DPY19L1: variants seen among roughly 807,000 people sequenced by gnomAD.
DPY19L1 encodes the protein dpy-19 like C-mannosyltransferase 1.
Under a neutral mutation model 96.9 loss-of-function variants are expected in DPY19L1, and 35 were observed. The observed-to-expected ratio is 0.36, with a 90% CI of 0.28 to 0.48. The LOEUF (loss-of-function observed/expected upper bound fraction) is 0.48, where lower values mean the gene tolerates loss of function less well. Ranked by LOEUF, DPY19L1 falls within the 20% of genes least tolerant of loss-of-function variation. The pLI, the probability that DPY19L1 is intolerant of heterozygous loss-of-function variation, is 0.99. For missense variants in DPY19L1, 521 were observed against 777.9 expected (o/e 0.67, Z 3.93); for synonymous variants, 205 against 252.6 (o/e 0.81, Z 1.79).
At chr7:34,971,928 G>C (rs142908938) in intron 8 of DPY19L1, among the ~76,000 whole-genome samples, 1 of 152,300 alleles carries the variant, frequency 6.6e-6, no homozygotes, top group African/African-American at 2.4e-5. Context: ...GAATGAAGAT[G>C]ACTAATCACC....
At chr7:34,956,140 G>C (rs536791267) in intron 11 of DPY19L1, among the ~76,000 whole-genome samples, 1 of 152,196 alleles carries the variant, frequency 6.6e-6, no homozygotes, top group South Asian at 2.1e-4. Context: ...CTGACATATA[G>C]AACTGAAAAG....
chr7:35,006,941 C>A (rs576337755), intron 6 of DPY19L1, among the ~76,000 whole-genome samples: 1 of 152,190 alleles, frequency 6.6e-6, no homozygotes, highest in African/African-American at 2.4e-5. Flanking sequence ...ACTTTTATTT[C>A]TCAGTACATA....
chr7:34,970,838 C>A (rs1449357874), intron 8 of DPY19L1, among the ~76,000 whole-genome samples: 2 of 124,214 alleles, frequency 1.6e-5, no homozygotes, highest in Admixed American at 8.6e-5. Context: ...TAAATATTGC[C>A]AAGAATGAAA....
At position 35,008,672 on chromosome 7, in the gene DPY19L1, C is replaced by T. The variant is rs374975654; in HGVS notation, c.764+1796G>A. 2.6e-5 allele frequency among the ~76,000 whole-genome samples: 4 copies of T among 152,094 alleles called. No individual in the cohort carries two copies. The East Asian group carries it at 5.8e-4, about 22-fold the overall frequency. On this transcript the variant is annotated intron_variant, in intron 6 of 21. Transcript: ENST00000638088. ...CACATCTGTGAATAGTCACTAGACT[C>T]CAGCCTGGGTAACAATATAGCAAGA...
At chr7:35,031,829 T>C (rs1325167003) in intron 1 of DPY19L1, among the ~76,000 whole-genome samples, 3 of 152,008 alleles carry the variant, frequency 2.0e-5, no homozygotes, top group Non-Finnish European at 4.4e-5. Context: ...TTCTTTAGAG[T>C]TAGCCAGAAG....
chr7:34,999,706 T>C (rs1287606458), intron 6 of DPY19L1, among the ~76,000 whole-genome samples: 2 of 152,176 alleles, frequency 1.3e-5, no homozygotes, highest in African/African-American at 2.4e-5. Flanking sequence ...TTTGACAAAG[T>C]ACAAAATAAG....
chr7:34,940,252 C>T lies in DPY19L1; in HGVS notation c.1765G>A (p.Gly589Ser), dbSNP rs780927988. The change falls in exon 19 of 22, where the codon GGT becomes AGT. Residue 589 changes from glycine to serine, a missense_variant. Gly to Ser is a moderately conservative substitution (Grantham distance 56). Transcript: ENST00000638088. The part of the protein sequence containing the change: ...FAILAAMSIQ[G>S]SANLQTQWNI... ...CACTGGGTTTGCAGATTTGCTGAAC[C>T]TTGTATTGACATTGCTGCTAATATA... 6.2e-7 allele frequency: 1 copy of T among 1,612,172 alleles called. No homozygotes were observed. The highest frequency in any genetic ancestry group is 1.1e-5 in the South Asian group (1 of 90,964).
At chr7:35,013,470 A>G in intron 4 of DPY19L1, 98 bp downstream of exon 4, 1 of 914,382 alleles carries the variant, frequency 1.1e-6, no homozygotes, top group Non-Finnish European at 1.6e-6. Context: ...ATTAAATACA[A>G]TTTAATATAT....
chr7:34,963,805 G>C (rs575614148), intron 10 of DPY19L1, among the ~76,000 whole-genome samples: 14 of 152,264 alleles, frequency 9.2e-5, no homozygotes, highest in Non-Finnish European at 1.5e-4. Flanking sequence ...AGTAACTTGG[G>C]ACAGTAGGCT....
chr7:35,005,040 T>C (rs1646542222), intron 6 of DPY19L1, among the ~76,000 whole-genome samples: 2 of 152,164 alleles, frequency 1.3e-5, no homozygotes, highest in Admixed American at 6.5e-5. Flanking sequence ...GGGGGCAACC[T>C]CAGATAGGAT....
Position 34,944,154 on chromosome 7 carries a change from T to C in DPY19L1, c.1544+1513A>G, listed in dbSNP as rs1348878251. Among the ~76,000 whole-genome samples the C allele has an allele frequency of 2.6e-5, 4 of 151,958 alleles. No homozygotes were observed. In the South Asian group the frequency reaches 6.2e-4, roughly 24 times the overall value. ...CTAAGGCAGGCAGATCACGAGTTCA[T>C]GAGTTCAAGACCAGCCTGGCCAATA... On this transcript the variant is annotated intron_variant, in intron 16 of 21. Transcript: ENST00000638088.
intron 1 of DPY19L1, among the ~76,000 whole-genome samples, chr7:35,027,338 A>G (rs1468417327): frequency 1.3e-5 from 2 of 152,190 alleles, no homozygotes; most frequent in Non-Finnish European, 2.9e-5. Context: ...GGTGGACTGC[A>G]CAGCTATTTT....
Position 34,968,527 on chromosome 7 carries a change from T to C in DPY19L1, c.1014+906A>G, listed in dbSNP as rs143125894. On this transcript the variant is annotated intron_variant, in intron 9 of 21. Coordinates refer to ENST00000638088, the MANE Select transcript of DPY19L1 (RefSeq NM_001366673.1). ...GGCTCACGCCTGTAATCGCAGCACT[T>C]TGGGAGGCCAAAGCGGGTGGATCAC... 5.9e-3 allele frequency among the ~76,000 whole-genome samples: 892 copies of C among 152,182 alleles called. 9 individuals are homozygous for C. The highest frequency in any genetic ancestry group is 0.02 in the African/African-American group (830 of 41,528).
rs1239650107 is a variant in DPY19L1, at chr7:34,939,208, T to C, written c.1964+68A>G. 3.0e-6 allele frequency: 4 copies of C among 1,354,854 alleles called. No individual in the cohort carries two copies. In the East Asian group the frequency reaches 7.2e-5, roughly 24 times the overall value. The allele number at this position is 1,354,854 out of a possible 1,614,324, so 83.9% of individuals were successfully genotyped here. A position where few individuals can be genotyped will look rare whatever the true frequency, so the allele number is the denominator to read the frequency against. ...TTTGAAACATTCCTTATTACTTTGC[T>C]GGTGTCCTCCACTCACTGTCTGTTT... On this transcript the variant is annotated intron_variant, in intron 20 of 21. Coordinates refer to ENST00000638088, the MANE Select transcript of DPY19L1 (RefSeq NM_001366673.1).
chr7:35,035,459 C>G (rs1786369350), intron 1 of DPY19L1, among the ~76,000 whole-genome samples: 1 of 152,152 alleles, frequency 6.6e-6, no homozygotes, highest in South Asian at 2.1e-4. Flanking sequence ...CAATAAATAT[C>G]ATTATTCTAA....
At chr7:35,012,954 T>C (rs963499342) in intron 4 of DPY19L1, among the ~76,000 whole-genome samples, 2 of 152,058 alleles carry the variant, frequency 1.3e-5, no homozygotes, top group African/African-American at 2.4e-5. Context: ...AACACTGATA[T>C]ATATATATAA....
intron 13 of DPY19L1, among the ~76,000 whole-genome samples, chr7:34,952,923 G>A (rs181098629): frequency 2.0e-3 from 300 of 152,308 alleles, no homozygotes; most frequent in African/African-American, 6.9e-3. Context: ...GGTAAAAACA[G>A]TGGGAGTCTG....
At chr7:35,009,160 T>C (rs1394829896) in intron 6 of DPY19L1, among the ~76,000 whole-genome samples, 1 of 152,244 alleles carries the variant, frequency 6.6e-6, no homozygotes, top group East Asian at 1.9e-4. Context: ...TGACAAATGC[T>C]TATCAAGTAA....
intron 6 of DPY19L1, among the ~76,000 whole-genome samples, chr7:35,007,827 G>T (rs1018965551): frequency 6.6e-6 from 1 of 151,886 alleles, no homozygotes; most frequent in Non-Finnish European, 1.5e-5. Flanking sequence ...TGGGGACTGG[G>T]GAAAGTCAAG....
Sources: gnomAD v4.1 joint callset for allele counts (sites outside exome capture counted in the v4.1 genomes callset) on GRCh38, gnomAD v4.1.1 for gene constraint, MANE v1.5 for transcripts, NCBI Gene and HGNC (gene_info 2026-07-23, HGNC 2026-07-21) for gene names.